Variants in FGF13 observed in about 807,000 individuals in gnomAD.
The protein encoded by FGF13 is fibroblast growth factor 13, also known as fibroblast growth factor homologous factor 2.
A neutral mutation model predicts 19.5 loss-of-function variants in FGF13; 2 were observed. That is an observed-to-expected ratio of 0.10 (90% CI 0.04 to 0.32). The LOEUF (loss-of-function observed/expected upper bound fraction) is 0.32. Among genes scored for constraint, FGF13 ranks in the 10% least tolerant of loss-of-function variants. FGF13 has a pLI of 1.00. For synonymous variants in FGF13, 72 were observed against 76.9 expected, an observed-to-expected ratio of 0.94 and a Z score of 0.33; for missense variants, 113 against 192.7, an observed-to-expected ratio of 0.59 and a Z score of 2.45.
At chrX:138,794,308 T>G (rs1233179558) in intron 3 of FGF13, among the ~76,000 whole-genome samples, 1 of 111,831 alleles carries the variant, frequency 8.9e-6, no homozygotes, top group Admixed American at 9.5e-5. Flanking sequence ...AGGATTAAAT[T>G]TTTTTAATGA....
intron 1 of FGF13, among the ~76,000 whole-genome samples, chrX:139,198,790 A>G (rs1006974028): frequency 4.5e-5 from 5 of 111,466 alleles, no homozygotes; most frequent in Admixed American, 1.9e-4. Context: ...ATGGCCATCC[A>G]ATTCAAGGAG....
intron 1 of FGF13, among the ~76,000 whole-genome samples, chrX:139,033,164 C>G (rs748523163): frequency 1.6e-4 from 18 of 109,377 alleles, no homozygotes; most frequent in Admixed American, 3.0e-4. Flanking sequence ...CAAATCAGAG[C>G]AAAATTGGAG....
chrX:139,060,514 G>A (rs1183890509), intron 1 of FGF13, among the ~76,000 whole-genome samples: 1 of 111,487 alleles, frequency 9.0e-6, no homozygotes, highest in East Asian at 2.8e-4. Context: ...ACAAAGTAGG[G>A]CAATTCCTAA....
At chrX:139,110,250 A>G (rs1367807523) in intron 1 of FGF13, among the ~76,000 whole-genome samples, 2 of 110,682 alleles carry the variant, frequency 1.8e-5, no homozygotes, top group Non-Finnish European at 3.8e-5. Context: ...ATGTATATAT[A>G]TAAAACATAA....
At chrX:138,867,817 CTA>C (rs2091336353) in intron 1 of FGF13, among the ~76,000 whole-genome samples, 1 of 102,467 alleles carries the variant, frequency 9.8e-6, no homozygotes, top group Non-Finnish European at 2.0e-5. Flanking sequence ...ATCTATCTAT[CTA>C]TCTATCTATC....
chrX:138,953,484 C>T (rs187626685), intron 1 of FGF13, among the ~76,000 whole-genome samples: 14 of 110,655 alleles, frequency 1.3e-4, no homozygotes, highest in South Asian at 7.7e-4. Context: ...TGTTAAATGA[C>T]GAGTTGATGG....
At chrX:139,203,099 C>T (rs1335101374) in intron 1 of FGF13, among the ~76,000 whole-genome samples, 1 of 112,329 alleles carries the variant, frequency 8.9e-6, no homozygotes, top group East Asian at 2.9e-4. Context: ...CGGCTAGAAC[C>T]GGCAAAGGGT....
At chrX:139,004,837 G>T in intron 1 of FGF13, among the ~76,000 whole-genome samples, 1 of 112,078 alleles carries the variant, frequency 8.9e-6, no homozygotes, top group African/African-American at 3.2e-5. Flanking sequence ...CTCTGCCTGT[G>T]GAATGGGGAG....
intron 1 of FGF13, among the ~76,000 whole-genome samples, chrX:138,921,971 C>CAAAAAAAAAAAA (rs35464038): frequency 3.0e-5 from 2 of 67,509 alleles, no homozygotes; most frequent in East Asian, 5.2e-4. Context: ...TTATGGAACT[C>CAAAAAAAAAAAA]AAAAAAAAAA....
chrX:138,659,326 G>T (rs1287154230), intron 3 of FGF13, among the ~76,000 whole-genome samples: 2 of 111,775 alleles, frequency 1.8e-5, no homozygotes, highest in Admixed American at 9.5e-5. Flanking sequence ...GTATAAAAAT[G>T]AACATTAGGT....
At chrX:138,825,367 G>A (rs1362290889) in intron 3 of FGF13, among the ~76,000 whole-genome samples, 1 of 111,725 alleles carries the variant, frequency 9.0e-6, no homozygotes, top group Non-Finnish European at 1.9e-5. Flanking sequence ...TTCTTATGGC[G>A]ATTACAAAAA....
intron 1 of FGF13, among the ~76,000 whole-genome samples, chrX:139,170,355 T>A (rs1206395096): frequency 9.0e-5 from 10 of 111,616 alleles, no homozygotes; most frequent in Admixed American, 8.6e-4. Flanking sequence ...GTTTCCTGCA[T>A]ACAGCCCTTG....
At chrX:138,943,184 G>T (rs983570242) in intron 1 of FGF13, among the ~76,000 whole-genome samples, 12 of 112,248 alleles carry the variant, frequency 1.1e-4, no homozygotes, top group Non-Finnish European at 2.1e-4. Context: ...GCATCACAGT[G>T]GGTGGGCCCC....
At chrX:139,015,014 C>A (rs1289909975) in intron 1 of FGF13, among the ~76,000 whole-genome samples, 1 of 111,054 alleles carries the variant, frequency 9.0e-6, no homozygotes, top group East Asian at 2.8e-4. Context: ...TAAAATTCAT[C>A]ATCTCTTCAT....
intron 1 of FGF13, among the ~76,000 whole-genome samples, chrX:139,187,919 G>T (rs2084294636): frequency 8.9e-6 from 1 of 111,857 alleles, no homozygotes. Flanking sequence ...CGTTCTCTAA[G>T]TAAGCCATGT....
chrX:138,632,710 A>AGAT lies in FGF13; in HGVS notation c.*137_*139dup. The stretch of plus-strand genomic sequence containing the variant: ...ATGGATGATAAGAAGGTCTAATGGC[A>AGAT]GATAGAATAGTGAACTCTGCCTGTT... On this transcript the variant is annotated 3_prime_UTR_variant, in exon 5 of 5. Coordinates refer to ENST00000315930, the MANE Select transcript of FGF13 (RefSeq NM_004114.5). 2 of 621,325 alleles carry AGAT rather than the reference A, an allele frequency of 3.2e-6. No individual in the cohort carries two copies. Among genetic ancestry groups the AGAT allele is most frequent in the South Asian group, 6.6e-5 (2 of 30,278 alleles). The allele number at this position is 621,325 out of a possible 1,213,427, so 51.2% of individuals were successfully genotyped here.
At position 139,058,790 on chromosome X, in the gene FGF13, C is replaced by T. The variant is rs192757164; in HGVS notation, c.-113+144626G>A. ...AGTTCCAAATGAATACATAATTCAG[C>T]CATGCTCTTTCGTATATGCAGAGGA... On this transcript the variant is annotated intron_variant, in intron 1 of 2. Coordinates refer to the FGF13 transcript ENST00000421460. 3.1e-4 allele frequency among the ~76,000 whole-genome samples: 34 copies of T among 111,014 alleles called. 1 individual carries two copies. The highest frequency in any genetic ancestry group is 2.9e-3 in the Admixed American group (30 of 10,485).
chrX:138,978,269 T>TTTTTTTTTTTTGTTTTTTTG (rs1394752372), intron 1 of FGF13, among the ~76,000 whole-genome samples: 1 of 96,952 alleles, frequency 1.0e-5, no homozygotes, highest in African/African-American at 4.0e-5. Flanking sequence ...TGCCCTGGTT[T>TTTTTTTTTTTTGTTTTTTTG]TTTTTTTTTT....
chrX:138,752,634 A>G (rs2090406095), intron 3 of FGF13, among the ~76,000 whole-genome samples: 2 of 111,747 alleles, frequency 1.8e-5, no homozygotes, highest in African/African-American at 6.5e-5. Flanking sequence ...ATAGATGGCT[A>G]GTCTAGTGAT....
Sources: gnomAD v4.1 joint callset for allele counts (sites outside exome capture counted in the v4.1 genomes callset) on GRCh38, gnomAD v4.1.1 for gene constraint, MANE v1.5 for transcripts, NCBI Gene and HGNC (gene_info 2026-07-23, HGNC 2026-07-21) for gene names.